The following CNN2 variants were observed in gnomAD, a reference collection of about 807,000 sequenced individuals.
The protein encoded by CNN2 is calponin 2.
CNN2 carries 21 observed loss-of-function variants against 31.0 expected under a neutral mutation model. That is an observed-to-expected ratio of 0.68 (90% CI 0.48 to 0.98). CNN2 has a LOEUF of 0.98. CNN2 is among the 50% of genes least tolerant of loss of function. The pLI, the probability that CNN2 is intolerant of heterozygous loss-of-function variation, is 0.00. For missense variants in CNN2, 399 were observed against 427.3 expected (o/e 0.93, Z 0.58); for synonymous variants, 165 against 179.6 (o/e 0.92, Z 0.65).
chr19:1,035,196 GAC>G lies in CNN2; in HGVS notation c.391-931_391-930del, dbSNP rs202081568. ...TGGTGTAGACGGGGAGCGTGGGTGG[GAC>G]ACGGTGTCTGGTGTAGACCGGGAGC... is the stretch of plus-strand genomic sequence containing the variant. On this transcript the variant is annotated intron_variant, in intron 4 of 6. Transcript: ENST00000263097. Among the ~76,000 whole-genome samples, 749 of 109,684 alleles carry G rather than the reference GAC, an allele frequency of 6.8e-3. 10 individuals are homozygous for G. The highest frequency in any genetic ancestry group is 9.7e-3 in the Non-Finnish European group (475 of 48,948). 72.0% of individuals were successfully genotyped at this position (109,684 alleles called of 152,430 possible). A position where few individuals can be genotyped will look rare whatever the true frequency, so the allele number is the denominator to read the frequency against.
intron 2 of CNN2, 136 bp from the exon 3 acceptor site, chr19:1,032,256 G>T: frequency 3.2e-6 from 3 of 926,186 alleles, no homozygotes; most frequent in Non-Finnish European, 4.9e-6. Context: ...AAAAAAGAGT[G>T]GAAACTGAGG....
chr19:1,032,107 A>T lies in CNN2; in HGVS notation c.186-285A>T, dbSNP rs542810642. 4.6e-5 allele frequency among the ~76,000 whole-genome samples: 7 copies of T among 151,852 alleles called. No homozygotes were observed. In the South Asian group the frequency reaches 1.5e-3, roughly 32 times the overall value. On this transcript the variant is annotated intron_variant, in intron 2 of 6. Transcript: ENST00000263097. ...GCCGGGTGTGGTGGCAGGCACCTGTAATCCCAGCTACTCGGGAGGCTCAGG... is the reference window on the plus strand; with the variant it reads ...GCCGGGTGTGGTGGCAGGCACCTGTTATCCCAGCTACTCGGGAGGCTCAGG...
intron 1 of CNN2, among the ~76,000 whole-genome samples, chr19:1,028,601 G>T (rs932668081): frequency 6.6e-6 from 1 of 152,164 alleles, no homozygotes; most frequent in Admixed American, 6.5e-5. Context: ...GTCCGGACCC[G>T]CTGGGAACAG....
Position 1,036,522 on chromosome 19 carries a change from C to T in CNN2, c.614C>T (p.Thr205Ile), listed in dbSNP as rs1441380495. The change falls in exon 6 of 7, where the codon ACC becomes ATC. Residue 205 changes from threonine (T) to isoleucine (I), a missense_variant. Thr to Ile is a moderately conservative substitution (Grantham distance 89, BLOSUM62 -1). Coordinates refer to ENST00000263097, the MANE Select transcript of CNN2 (RefSeq NM_004368.4). Reference sequence around the variant, plus strand: ...ATCCTGCCCCCCATGGACCACTCGACCATCAGCCTCCAGATGGGCACGAAC... The same window carrying T: ...ATCCTGCCCCCCATGGACCACTCGATCATCAGCCTCCAGATGGGCACGAAC... ...NHILPPMDHS[T>I]ISLQMGTNKC... The T allele has an allele frequency of 1.9e-6, 3 of 1,613,524 alleles. No homozygotes were observed. The highest frequency in any genetic ancestry group is 2.2e-5 in the East Asian group (1 of 44,872).
Position 1,026,626 on chromosome 19 carries a change from C to A in CNN2, c.-36C>A, listed in dbSNP as rs573115850. ...GCCCGGCGGTCCCGTCCCGTCCCGT[C>A]CTGTGCGGCCCCGTCCCGCCGCCCG... On this transcript the variant is annotated 5_prime_UTR_variant, in exon 1 of 7. Transcript: ENST00000263097. 41 of 1,511,904 alleles carry A rather than the reference C, an allele frequency of 2.7e-5. No homozygotes were observed. Among genetic ancestry groups the A allele is most frequent in the Non-Finnish European group, 3.3e-5 (37 of 1,126,782 alleles). 93.7% of individuals were successfully genotyped at this position (1,511,904 alleles called of 1,614,324 possible). A position where few individuals can be genotyped will look rare whatever the true frequency, so the allele number is the denominator to read the frequency against.
At chr19:1,034,880 GAC>G (rs1202072069) in intron 4 of CNN2, among the ~76,000 whole-genome samples, 1 of 3,198 alleles carries the variant, frequency 3.1e-4, no homozygotes, top group Non-Finnish European at 6.1e-4. Flanking sequence ...GCGTGGGTGG[GAC>G]ACGGTGTCTG....
chr19:1,035,664 T>C (rs1268046491), intron 4 of CNN2, among the ~76,000 whole-genome samples: 1 of 152,216 alleles, frequency 6.6e-6, no homozygotes. Context: ...GGCTCACGCC[T>C]GTAATCCCAG....
At chr19:1,031,370 T>C (rs1419838057) in intron 2 of CNN2, among the ~76,000 whole-genome samples, 178 bp downstream of exon 2, 1 of 146,586 alleles carries the variant, frequency 6.8e-6, no homozygotes, top group African/African-American at 2.5e-5. Flanking sequence ...AGGTCAGGAG[T>C]TCGAGACCAG....
In CNN2 at chr19:1,030,846, C is replaced by T. The variant is rs1234234864; in HGVS notation, c.64-225C>T. On this transcript the variant is annotated intron_variant, in intron 1 of 6. Coordinates refer to ENST00000263097, the MANE Select transcript of CNN2 (RefSeq NM_004368.4). Reference sequence around the variant, plus strand: ...TATCAGTGAGTTCTAAGCCGGTTGTCGGCCTGCTTGGAGGGCGGTTTATCT... The same window carrying T: ...TATCAGTGAGTTCTAAGCCGGTTGTTGGCCTGCTTGGAGGGCGGTTTATCT... The T allele has an allele frequency of 1.5e-5, 7 of 475,470 alleles. No homozygotes were observed. In the East Asian group the frequency reaches 2.7e-4, roughly 18 times the overall value. The allele number at this position is 475,470 out of a possible 1,614,324, so 29.5% of individuals were successfully genotyped here. A position where few individuals can be genotyped will look rare whatever the true frequency, so the allele number is the denominator to read the frequency against.
rs1321808254 is a variant in CNN2 at position 1,032,839 on chromosome 19, C to A, written c.390+143C>A. ...TGTCACTCAGGCTGGAGTGCAATGGCGTGATCTCAGCTCACTGCAACCTCC... is the reference window on the plus strand; with the variant it reads ...TGTCACTCAGGCTGGAGTGCAATGGAGTGATCTCAGCTCACTGCAACCTCC... On this transcript the variant is annotated intron_variant, in intron 4 of 6. Coordinates refer to ENST00000263097, the MANE Select transcript of CNN2 (RefSeq NM_004368.4). 25 of 661,820 alleles carry A rather than the reference C, an allele frequency of 3.8e-5. No individual in the cohort carries two copies. In the East Asian group the frequency reaches 7.1e-4, roughly 19 times the overall value. 41.0% of individuals were successfully genotyped at this position (661,820 alleles called of 1,614,324 possible). A position where few individuals can be genotyped will look rare whatever the true frequency, so the allele number is the denominator to read the frequency against.
intron 6 of CNN2, chr19:1,036,765 AG>A (rs1159980255): frequency 4.5e-6 from 3 of 665,216 alleles, no homozygotes; most frequent in Non-Finnish European, 7.9e-6. Context: ...GTGGGTCTCT[AG>A]GGAAGTTACT....
At chr19:1,029,618 C>T (rs1220549350) in intron 1 of CNN2, among the ~76,000 whole-genome samples, 1 of 152,188 alleles carries the variant, frequency 6.6e-6, no homozygotes, top group East Asian at 1.9e-4. Flanking sequence ...GAAGCGGAGG[C>T]TGAGTGGGGA....
intron 4 of CNN2, 83 bp downstream of exon 4, chr19:1,032,779 TTC>T (rs143549322): frequency 0.18 from 204,432 of 1,116,776 alleles, 19,901 homozygotes; most frequent in Non-Finnish European, 0.2. Context: ...GTTTGCAAAT[TTC>T]TGTTTGTTTA....
At chr19:1,029,848 C>T (rs2039458559) in intron 1 of CNN2, among the ~76,000 whole-genome samples, 2 of 152,114 alleles carry the variant, frequency 1.3e-5, no homozygotes, top group South Asian at 4.1e-4. Flanking sequence ...TACAGGTGCC[C>T]ACCACCACGC....
chr19:1,031,620 A>ATT lies in CNN2; in HGVS notation c.185+439_185+440dup, dbSNP rs913733092. The stretch of plus-strand genomic sequence containing the variant: ...GCTGGGCGTGGTGGCTAAATAAATA[A>ATT]TTTTTTTTTTTTGAGGTGGAGTCTC... On this transcript the variant is annotated intron_variant, in intron 2 of 6. Transcript: ENST00000263097. 7.3e-5 allele frequency among the ~76,000 whole-genome samples: 10 copies of ATT among 137,194 alleles called. No individual in the cohort carries two copies. The South Asian group carries it at 2.4e-3, about 33-fold the overall frequency. The allele number at this position is 137,194 out of a possible 152,430, so 90.0% of individuals were successfully genotyped here.
intron 2 of CNN2, 70 bp from the exon 3 acceptor site, chr19:1,032,322 A>T: frequency 6.3e-7 from 1 of 1,585,254 alleles, no homozygotes; most frequent in African/African-American, 1.4e-5. Context: ...TGAGATCAGC[A>T]TCGGGTCTTC....
At chr19:1,036,294 A>T in intron 5 of CNN2, 48 bp downstream of exon 5, 1 of 1,566,418 alleles carries the variant, frequency 6.4e-7, no homozygotes, top group East Asian at 2.3e-5. Flanking sequence ...TTGGGGGACC[A>T]CGGTGTTGGG....
At chr19:1,028,150 G>A (rs75364577) in intron 1 of CNN2, among the ~76,000 whole-genome samples, 18,705 of 151,932 alleles carry the variant, frequency 0.12, 1,368 homozygotes, top group Middle Eastern at 0.16. Context: ...AGCTGCCCAG[G>A]GCCACACAGC....
intron 1 of CNN2, among the ~76,000 whole-genome samples, chr19:1,029,166 C>A (rs1371263661): frequency 1.0e-5 from 1 of 97,444 alleles, no homozygotes; most frequent in Non-Finnish European, 2.0e-5. Flanking sequence ...CAGGCAGGTC[C>A]AGCTCAGGGG....
Sources: allele counts gnomAD v4.1 joint callset (sites outside exome capture counted in the v4.1 genomes callset), GRCh38; gene constraint gnomAD v4.1.1; transcripts MANE v1.5; gene names NCBI Gene and HGNC (gene_info 2026-07-23, HGNC 2026-07-21).